The following ADRA1A variants were observed in gnomAD, a reference collection of about 807,000 sequenced individuals.
ADRA1A encodes adrenoceptor alpha 1A, also known as alpha-1A adrenergic receptor.
ADRA1A carries 31 observed loss-of-function variants against 29.6 expected under a neutral mutation model. The ratio of observed to expected loss-of-function variants is 1.05; its 90% CI spans 0.79 to 1.41. ADRA1A has a LOEUF of 1.41. Among genes scored for constraint, ADRA1A ranks in the 40% most tolerant of loss-of-function variants. The pLI, the probability that ADRA1A is intolerant of heterozygous loss-of-function variation, is 0.00. For missense variants in ADRA1A, 619 were observed against 601.1 expected (o/e 1.03, Z -0.31); for synonymous variants, 311 against 254.3 (o/e 1.22, Z -2.12).
chr8:26,751,291 A>C, intron 2 of ADRA1A, among the ~76,000 whole-genome samples: 1 of 152,184 alleles, frequency 6.6e-6, no homozygotes, highest in East Asian at 1.9e-4. Context: ...ACATGTGGGG[A>C]GTGAGTACGA....
At position 26,841,004 on chromosome 8, in the gene ADRA1A, A is replaced by C. The variant is rs1218084661; in HGVS notation, c.883+23083T>G. On this transcript the variant is annotated intron_variant, in intron 2 of 2. Coordinates refer to ENST00000380573, the MANE Select transcript of ADRA1A (RefSeq NM_000680.4). The surrounding 1 kb of genome is among the most constrained non-coding windows in gnomAD (Gnocchi z 4.4). ...TGAGTGCACTGGGTGAAGACTACAG[A>C]GGACATTAAGGGCACCAGAGGGAAC... is the stretch of plus-strand genomic sequence containing the variant. Among the ~76,000 whole-genome samples the C allele has an allele frequency of 6.6e-6, 1 of 152,182 alleles. No homozygotes were observed. Among genetic ancestry groups the C allele is most frequent in the African/African-American group, 2.4e-5 (1 of 41,438 alleles).
At chr8:26,749,315 A>T (rs1274188234) in intron 2 of ADRA1A, among the ~76,000 whole-genome samples, 1 of 152,198 alleles carries the variant, frequency 6.6e-6, no homozygotes, top group African/African-American at 2.4e-5. Flanking sequence ...ATCTATAGAG[A>T]TGCATCTAAT....
Position 26,769,951 on chromosome 8 carries a change from C to T in ADRA1A, c.*198G>A. The T allele has an allele frequency of 7.3e-7, 1 of 1,364,936 alleles. No homozygotes were observed. Among genetic ancestry groups the T allele is most frequent in the Non-Finnish European group, 9.4e-7 (1 of 1,062,986 alleles). The allele number at this position is 1,364,936 out of a possible 1,614,324, so 84.6% of individuals were successfully genotyped here. A position where few individuals can be genotyped will look rare whatever the true frequency, so the allele number is the denominator to read the frequency against. On this transcript the variant is annotated 3_prime_UTR_variant, in exon 3 of 3. Coordinates refer to ENST00000380573, the MANE Select transcript of ADRA1A (RefSeq NM_000680.4). The stretch of plus-strand genomic sequence containing the variant: ...AAATGCTGTTCCGTATCATTCTGAA[C>T]TGGTTGGTTGTGAGACACCCTCCCT...
chr8:26,861,293 C>T (rs73564056), intron 2 of ADRA1A, among the ~76,000 whole-genome samples: 1 of 140,606 alleles, frequency 7.1e-6, no homozygotes, highest in Non-Finnish European at 1.5e-5. Flanking sequence ...ACCTGACCCC[C>T]AGAGGCTCTG....
downstream of ADRA1A, among the ~76,000 whole-genome samples, chr8:26,755,477 C>T (rs139439096): frequency 6.6e-6 from 1 of 152,144 alleles, no homozygotes; most frequent in Non-Finnish European, 1.5e-5. Flanking sequence ...CCATGATAAG[C>T]GAGACTGACT....
chr8:26,748,275 G>A (rs61758624), exon 3 of ADRA1A: 1 of 157,174 alleles, frequency 6.4e-6, no homozygotes. Context: ...CCCCTCACCA[G>A]TCACCATGGA....
chr8:26,754,177 G>A (rs1004579016), downstream of ADRA1A, among the ~76,000 whole-genome samples: 1 of 152,172 alleles, frequency 6.6e-6, no homozygotes. Context: ...GTCCATTTAA[G>A]AGAAATTAAA....
chr8:26,847,089 G>A (rs1239414278), intron 2 of ADRA1A, among the ~76,000 whole-genome samples: 4 of 152,112 alleles, frequency 2.6e-5, no homozygotes, highest in South Asian at 4.1e-4. Context: ...GGAACAGGGA[G>A]GGATAGCATT....
At position 26,841,787 on chromosome 8, in the gene ADRA1A, T is replaced by C. The variant is rs1811834336; in HGVS notation, c.883+22300A>G. ...TGATAGGTCACAAATGACCTCAGATTACTAAACGCTATTTTTTTTCTCCTT... is the reference window on the plus strand; with the variant it reads ...TGATAGGTCACAAATGACCTCAGATCACTAAACGCTATTTTTTTTCTCCTT... On this transcript the variant is annotated intron_variant, in intron 2 of 2. Coordinates refer to ENST00000380573, the MANE Select transcript of ADRA1A (RefSeq NM_000680.4). The surrounding 1 kb of genome is among the most constrained non-coding windows in gnomAD (Gnocchi z 4.4). Among the ~76,000 whole-genome samples the C allele has an allele frequency of 6.6e-6, 1 of 152,196 alleles. No individual in the cohort carries two copies. Among genetic ancestry groups the C allele is most frequent in the African/African-American group, 2.4e-5 (1 of 41,448 alleles).
chr8:26,784,167 C>T (rs73231539), intron 2 of ADRA1A, among the ~76,000 whole-genome samples: 10,307 of 152,086 alleles, frequency 0.068, 547 homozygotes, highest in East Asian at 0.21. Flanking sequence ...CAACATGTAC[C>T]CCGGAACTTA....
At chr8:26,861,377 C>T (rs1365269929) in intron 2 of ADRA1A, among the ~76,000 whole-genome samples, 2 of 149,208 alleles carry the variant, frequency 1.3e-5, no homozygotes, top group Non-Finnish European at 3.0e-5. Context: ...TCTCGGCTCA[C>T]TGCAACCTCT....
Position 26,789,562 on chromosome 8 carries a change from A to G in ADRA1A, c.884-18896T>C, listed in dbSNP as rs931496031. On this transcript the variant is annotated intron_variant, in intron 2 of 2. Coordinates refer to ENST00000380573, the MANE Select transcript of ADRA1A (RefSeq NM_000680.4). Reference sequence around the variant, plus strand: ...TAAGACCAAAAACTATAAATATACTAGAAGAAAATATAAGGGAAATGCTTC... The same window carrying G: ...TAAGACCAAAAACTATAAATATACTGGAAGAAAATATAAGGGAAATGCTTC... Among the ~76,000 whole-genome samples, 5 of 152,340 alleles carry G rather than the reference A, an allele frequency of 3.3e-5. No homozygotes were observed. The South Asian group carries it at 8.3e-4, about 25-fold the overall frequency.
At position 26,779,410 on chromosome 8, in the gene ADRA1A, C is replaced by T. The variant is rs768630039; in HGVS notation, c.884-8744G>A. On this transcript the variant is annotated intron_variant, in intron 2 of 2. Transcript: ENST00000380573. ...AAGCTGGGTGAGTCATTTTTTCCTT[C>T]TTGGGCCTCAGTTTCCTCATCTGTA... The T allele has an allele frequency of 5.7e-6, 4 of 702,360 alleles. No individual in the cohort carries two copies. The South Asian group carries it at 5.9e-5, about 10-fold the overall frequency. The allele number at this position is 702,360 out of a possible 1,614,324, so 43.5% of individuals were successfully genotyped here.
chr8:26,837,122 G>C (rs2130678294), intron 2 of ADRA1A, among the ~76,000 whole-genome samples: 1 of 150,656 alleles, frequency 6.6e-6, no homozygotes, highest in Middle Eastern at 3.4e-3. Context: ...TAAGTGCTGA[G>C]AGATATTTGT....
chr8:26,756,700 G>A, exon 3 of ADRA1A: 1 of 1,613,904 alleles, frequency 6.2e-7, no homozygotes, highest in Non-Finnish European at 8.5e-7. Context: ...ACCAGTGGTG[G>A]GTTTCATGCT....
At chr8:26,792,143 C>G (rs1430889242) in intron 2 of ADRA1A, among the ~76,000 whole-genome samples, 1 of 152,122 alleles carries the variant, frequency 6.6e-6, no homozygotes, top group Non-Finnish European at 1.5e-5. Flanking sequence ...GATTGGAACC[C>G]AAGTGCGCTT....
Position 26,836,688 on chromosome 8 carries a change from G to A in ADRA1A, c.883+27399C>T, listed in dbSNP as rs191773451. Reference sequence around the variant, plus strand: ...GGTCTGGTAGTTCTTTCTTAAAACTGCAGGTAACACATATAAGAGCAAATA... The same window carrying A: ...GGTCTGGTAGTTCTTTCTTAAAACTACAGGTAACACATATAAGAGCAAATA... On this transcript the variant is annotated intron_variant, in intron 2 of 2. Transcript: ENST00000380573. Among the ~76,000 whole-genome samples, 71 of 152,320 alleles carry A rather than the reference G, an allele frequency of 4.7e-4. 1 individual carries two copies. Among genetic ancestry groups the A allele is most frequent in the Admixed American group, 1.6e-3 (24 of 15,298 alleles).
chr8:26,783,573 G>A (rs1456964550), intron 2 of ADRA1A, among the ~76,000 whole-genome samples: 3 of 152,168 alleles, frequency 2.0e-5, no homozygotes, highest in African/African-American at 2.4e-5. Context: ...CAATGATTCA[G>A]AAAGTTTTGT....
At chr8:26,808,139 T>C (rs1809133607) in intron 2 of ADRA1A, among the ~76,000 whole-genome samples, 1 of 152,212 alleles carries the variant, frequency 6.6e-6, no homozygotes, top group Admixed American at 6.5e-5. Context: ...TCCTTTTAAT[T>C]AGTTTCTTTT....
Sources: gnomAD v4.1 joint callset for allele counts (sites outside exome capture counted in the v4.1 genomes callset) on GRCh38, gnomAD v4.1.1 for gene constraint, Gnocchi (gnomAD v3.1) non-coding constraint, MANE v1.5 for transcripts, NCBI Gene and HGNC (gene_info 2026-07-23, HGNC 2026-07-21) for gene names.